The following EYS variants were observed in gnomAD, a reference collection of about 807,000 sequenced individuals.
EYS encodes protein eyes shut homolog.
Under a neutral mutation model 282.1 loss-of-function variants are expected in EYS, and 250 were observed. That is an observed-to-expected ratio of 0.89 (90% confidence interval 0.80 to 0.98). The LOEUF (loss-of-function observed/expected upper bound fraction) is 0.98, where lower values mean the gene tolerates loss of function less well. Ranked by LOEUF, EYS falls within the 50% of genes least tolerant of loss-of-function variation. The pLI is 0.00. For synonymous variants in EYS, 1,355 were observed against 1,282.9 expected (o/e 1.06, Z -1.20); for missense variants, 4,016 against 3,709.0 (o/e 1.08, Z -2.15).
At chr6:64,447,691 G>A (rs546442146) in intron 26 of EYS, among the ~76,000 whole-genome samples, 317 of 152,254 alleles carry the variant, frequency 2.1e-3, no homozygotes, top group Non-Finnish European at 3.3e-3. Context: ...CAGAGTTTAA[G>A]ATTTGCAGAG....
intron 5 of EYS, among the ~76,000 whole-genome samples, chr6:65,412,666 T>C (rs1767067506): frequency 6.6e-6 from 1 of 152,118 alleles, no homozygotes. Context: ...TTTTGTCTAT[T>C]ATTTATTGAG....
At chr6:64,516,787 T>G (rs939880145) in intron 26 of EYS, among the ~76,000 whole-genome samples, 4 of 151,850 alleles carry the variant, frequency 2.6e-5, no homozygotes, top group Admixed American at 6.6e-5. Flanking sequence ...ATGAACTATT[T>G]AATTTCATTA....
At chr6:64,789,310 C>T (rs982383096) in intron 22 of EYS, among the ~76,000 whole-genome samples, 1 of 152,164 alleles carries the variant, frequency 6.6e-6, no homozygotes, top group African/African-American at 2.4e-5. Flanking sequence ...AGCCATCTCT[C>T]TTTGTGCTTG....
intron 2 of EYS, among the ~76,000 whole-genome samples, chr6:65,568,213 C>T (rs1437316100): frequency 6.6e-6 from 1 of 152,138 alleles, no homozygotes; most frequent in African/African-American, 2.4e-5. Flanking sequence ...TCCCTAGAAA[C>T]CATTTATTGT....
At chr6:65,440,227 G>A (rs746253506) in intron 5 of EYS, among the ~76,000 whole-genome samples, 3 of 151,926 alleles carry the variant, frequency 2.0e-5, no homozygotes, top group African/African-American at 4.8e-5. Context: ...CCAGTGATAC[G>A]TAAACAATGC....
chr6:64,663,718 T>C lies in EYS; in HGVS notation c.3444-37473A>G, dbSNP rs546730718. On this transcript the variant is annotated intron_variant, in intron 22 of 42. Transcript: ENST00000503581. ...TTGCCTCAACCAAACAGAAGGAAGC[T>C]AGATGTACCGTCATACTGTTAGCAG... 6.6e-5 allele frequency among the ~76,000 whole-genome samples: 10 copies of C among 152,254 alleles called. No individual in the cohort carries two copies. The South Asian group carries it at 1.0e-3, about 16-fold the overall frequency.
intron 12 of EYS, among the ~76,000 whole-genome samples, chr6:65,089,873 T>C (rs1457129257): frequency 6.6e-6 from 1 of 151,100 alleles, no homozygotes; most frequent in Admixed American, 6.6e-5. Flanking sequence ...GGGGAATTGC[T>C]TGAATCTGGG....
intron 26 of EYS, among the ~76,000 whole-genome samples, chr6:64,523,145 C>T (rs1777810510): frequency 6.6e-6 from 1 of 151,402 alleles, no homozygotes; most frequent in Admixed American, 6.6e-5. Context: ...CATGAAAGCT[C>T]TTGTTTTGCT....
chr6:65,183,634 C>T (rs972654391), intron 12 of EYS, among the ~76,000 whole-genome samples: 1 of 151,394 alleles, frequency 6.6e-6, no homozygotes, highest in African/African-American at 2.4e-5. Context: ...AATATTTTTT[C>T]TTCTAATTTT....
At chr6:65,143,348 G>C (rs1234338382) in intron 12 of EYS, among the ~76,000 whole-genome samples, 3 of 151,604 alleles carry the variant, frequency 2.0e-5, no homozygotes, top group Admixed American at 2.0e-4. Context: ...TGGTGGAAAA[G>C]AGCTTCAAAA....
At chr6:65,385,597 T>C (rs1051988728) in intron 7 of EYS, among the ~76,000 whole-genome samples, 1 of 151,964 alleles carries the variant, frequency 6.6e-6, no homozygotes, top group African/African-American at 2.4e-5. Context: ...TACATTATTA[T>C]TTATCACTTT....
intron 21 of EYS, among the ~76,000 whole-genome samples, chr6:64,820,407 T>C (rs1764865812): frequency 6.6e-6 from 1 of 152,130 alleles, no homozygotes; most frequent in African/African-American, 2.4e-5. Context: ...ATGATATTTG[T>C]ACTATTAAGA....
rs75215482 is a variant in EYS, at chr6:64,565,701, T to C, written c.5644+24522A>G. 6.1e-3 allele frequency among the ~76,000 whole-genome samples: 929 copies of C among 152,162 alleles called. 12 individuals carry two copies. Among genetic ancestry groups the C allele is most frequent in the African/African-American group, 0.022 (893 of 41,526 alleles). On this transcript the variant is annotated intron_variant, in intron 26 of 42. Transcript: ENST00000503581. Reference sequence around the variant, plus strand: ...AAAGATCTAATACGTGGCATGATGGTTATAGTTGATAATACTGTATTGTAT... The same window carrying C: ...AAAGATCTAATACGTGGCATGATGGCTATAGTTGATAATACTGTATTGTAT...
At chr6:64,122,081 A>G (rs1773609374) in intron 31 of EYS, among the ~76,000 whole-genome samples, 1 of 152,118 alleles carries the variant, frequency 6.6e-6, no homozygotes, top group Non-Finnish European at 1.5e-5. Flanking sequence ...TTTAATAAAT[A>G]TATTAGCTGT....
chr6:65,402,425 G>T lies in EYS; in HGVS notation c.1184+53C>A, dbSNP rs1056673722. 4.8e-6 allele frequency: 6 copies of T among 1,239,344 alleles called. No homozygotes were observed. The African/African-American group carries it at 9.0e-5, about 19-fold the overall frequency. 76.8% of individuals were successfully genotyped at this position (1,239,344 alleles called of 1,614,324 possible). ...AACATCATTATATTTTTGTTCACAT[G>T]ATTTAAAAATCCATGTACTTTGTAT... On this transcript the variant is annotated intron_variant, in intron 7 of 42. Coordinates refer to ENST00000503581, the MANE Select transcript of EYS (RefSeq NM_001142800.2).
At chr6:65,471,380 C>T (rs1765211529) in intron 5 of EYS, among the ~76,000 whole-genome samples, 1 of 151,594 alleles carries the variant, frequency 6.6e-6, no homozygotes, top group East Asian at 1.9e-4. Flanking sequence ...TGGGCAACAA[C>T]GTGAGACCCT....
chr6:64,527,501 T>G (rs1463018141), intron 26 of EYS, among the ~76,000 whole-genome samples: 1 of 151,860 alleles, frequency 6.6e-6, no homozygotes, highest in African/African-American at 2.4e-5. Context: ...TCTGAAACAC[T>G]TTATTGTTCA....
In EYS at chr6:63,903,767, T is replaced by C. The variant is rs142877286; in HGVS notation, c.7056-39409A>G. ...TGGATGTAGTCTTCCCCAATAGATA[T>C]TGATGGAACGCAGACAGGAGGTATC... On this transcript the variant is annotated intron_variant, in intron 35 of 42. Transcript: ENST00000503581. 1.6e-3 allele frequency among the ~76,000 whole-genome samples: 251 copies of C among 152,270 alleles called. 4 individuals carry two copies. In the East Asian group the frequency reaches 0.042, roughly 26 times the overall value.
intron 12 of EYS, among the ~76,000 whole-genome samples, chr6:65,205,174 C>T (rs1413515087): frequency 2.0e-5 from 3 of 149,414 alleles, no homozygotes; most frequent in Non-Finnish European, 4.5e-5. Flanking sequence ...GGTCTAATGG[C>T]TAGACACATA....
Sources: gnomAD v4.1 joint callset for allele counts (sites outside exome capture counted in the v4.1 genomes callset) on GRCh38, gnomAD v4.1.1 for gene constraint, MANE v1.5 for transcripts, NCBI Gene and HGNC (gene_info 2026-07-23, HGNC 2026-07-21) for gene names.